The following VANGL2 variants were observed in gnomAD, a reference collection of about 807,000 sequenced individuals.
VANGL2 encodes the protein vang-like protein 2.
Under a neutral mutation model 50.2 loss-of-function variants are expected in VANGL2, and 14 were observed. The observed-to-expected ratio is 0.28, with a 90% CI of 0.18 to 0.44. VANGL2 has a LOEUF of 0.44. Among genes scored for constraint, VANGL2 ranks in the 20% least tolerant of loss-of-function variants. The pLI is 1.00. For synonymous variants in VANGL2, 295 were observed against 297.2 expected (o/e 0.99, Z 0.08); for missense variants, 533 against 701.5 (o/e 0.76, Z 2.71).
At chr1:160,410,729 T>C (rs1266947945) in intron 1 of VANGL2, among the ~76,000 whole-genome samples, 1 of 151,474 alleles carries the variant, frequency 6.6e-6, no homozygotes, top group East Asian at 1.9e-4. Flanking sequence ...TCTAGGGCCC[T>C]GCTCCCTCTG....
chr1:160,408,391 G>A (rs1223644222), intron 1 of VANGL2, among the ~76,000 whole-genome samples: 1 of 152,200 alleles, frequency 6.6e-6, no homozygotes, highest in Non-Finnish European at 1.5e-5. Context: ...TAGGTGGAGA[G>A]GGGCTTGGCT....
intron 1 of VANGL2, among the ~76,000 whole-genome samples, chr1:160,412,704 G>T (rs528851416): frequency 1.8e-4 from 28 of 152,238 alleles, no homozygotes; most frequent in African/African-American, 6.3e-4. Context: ...TCCTATGGAG[G>T]ATTGCCTCCA....
At chr1:160,420,728 G>A (rs1651240795) in intron 5 of VANGL2, among the ~76,000 whole-genome samples, 181 bp downstream of exon 5, 1 of 152,134 alleles carries the variant, frequency 6.6e-6, no homozygotes, top group African/African-American at 2.4e-5. Context: ...CCTACTTGCT[G>A]TCCCTTTATG....
At chr1:160,415,956 G>T (rs368821777) in intron 2 of VANGL2, 48 bp downstream of exon 2, 1 of 1,614,146 alleles carries the variant, frequency 6.2e-7, no homozygotes, top group Non-Finnish European at 8.5e-7. Flanking sequence ...AGGGTTGGGG[G>T]CTGTTAAGAG....
In VANGL2 at chr1:160,419,692, T is replaced by C. The variant is rs1651199737; in HGVS notation, c.800+83T>C. ...TGACTGCTAGGGTGGGAGGGTATGA[T>C]GGTGGGCTGGAGGTGATGGGCTTGG... On this transcript the variant is annotated intron_variant, in intron 4 of 7. Transcript: ENST00000368061. The surrounding 1 kb of genome is among the most constrained non-coding windows in gnomAD (Gnocchi z 5.8). 6.5e-7 allele frequency: 1 copy of C among 1,539,754 alleles called. No homozygotes were observed. The highest frequency in any genetic ancestry group is 8.7e-7 in the Non-Finnish European group (1 of 1,150,992).
intron 1 of VANGL2, among the ~76,000 whole-genome samples, chr1:160,401,681 T>C (rs1259287907): frequency 6.6e-6 from 1 of 152,086 alleles, no homozygotes; most frequent in Non-Finnish European, 1.5e-5. Flanking sequence ...ACCATGCATC[T>C]GCTGTGTGTT....
intron 1 of VANGL2, among the ~76,000 whole-genome samples, chr1:160,408,175 T>G (rs1650749793): frequency 6.8e-6 from 1 of 146,324 alleles, no homozygotes; most frequent in Admixed American, 6.8e-5. Flanking sequence ...GGGGTGGGGG[T>G]GCCAGAGAGA....
chr1:160,416,013 C>T (rs772646635), intron 2 of VANGL2, 49 bp from the exon 3 acceptor site: 3 of 1,614,126 alleles, frequency 1.9e-6, no homozygotes, highest in South Asian at 1.1e-5. Context: ...CTGAGAAGAC[C>T]CTGGTCCACC....
At chr1:160,421,903 A>G (rs889797561) in intron 6 of VANGL2, among the ~76,000 whole-genome samples, 10 of 152,204 alleles carry the variant, frequency 6.6e-5, no homozygotes, top group African/African-American at 2.2e-4. Flanking sequence ...GTTGCCTTCA[A>G]AAAATGACGT....
At chr1:160,405,566 A>C (rs1240184237) in intron 1 of VANGL2, among the ~76,000 whole-genome samples, 1 of 150,854 alleles carries the variant, frequency 6.6e-6, no homozygotes, top group Non-Finnish European at 1.5e-5. Context: ...AACTGGTTTG[A>C]GAGAAGCAGG....
chr1:160,403,703 T>G lies in VANGL2; in HGVS notation c.-191+2834T>G, dbSNP rs369086726. Reference sequence around the variant, plus strand: ...TCCTTCCCTCAAGTGTTCATCACATTGTGAGGCCAGAGAAAGGAGTCAGAG... The same window carrying G: ...TCCTTCCCTCAAGTGTTCATCACATGGTGAGGCCAGAGAAAGGAGTCAGAG... On this transcript the variant is annotated intron_variant, in intron 1 of 7. Coordinates refer to ENST00000368061, the MANE Select transcript of VANGL2 (RefSeq NM_020335.3). Among the ~76,000 whole-genome samples the G allele has an allele frequency of 2.3e-3, 355 of 152,330 alleles. 2 individuals are homozygous for G. Among genetic ancestry groups the G allele is most frequent in the African/African-American group, 8.2e-3 (340 of 41,566 alleles).
chr1:160,409,588 C>A (rs76843041), intron 1 of VANGL2, among the ~76,000 whole-genome samples: 37 of 152,338 alleles, frequency 2.4e-4, no homozygotes, highest in Admixed American at 4.6e-4. Flanking sequence ...TTCAGCCCCC[C>A]ACCAGGGCCT....
chr1:160,413,311 C>T (rs1323507402), intron 1 of VANGL2, among the ~76,000 whole-genome samples: 2 of 147,770 alleles, frequency 1.4e-5, no homozygotes, highest in Non-Finnish European at 3.0e-5. Flanking sequence ...GACGGAGTCT[C>T]GTTCTGTCGC....
At chr1:160,411,765 G>A (rs931640852) in intron 1 of VANGL2, among the ~76,000 whole-genome samples, 17 of 152,148 alleles carry the variant, frequency 1.1e-4, no homozygotes, top group African/African-American at 4.1e-4. Flanking sequence ...CAGAACAAAA[G>A]GGGACTGGTA....
Position 160,419,668 on chromosome 1 carries a change from G to C in VANGL2, c.800+59G>C. ...GAAAGGGCATGGGAGGATGTGGAGT[G>C]ACTGCTAGGGTGGGAGGGTATGATG... is the stretch of plus-strand genomic sequence containing the variant. On this transcript the variant is annotated intron_variant, in intron 4 of 7. Transcript: ENST00000368061. The surrounding 1 kb of genome is among the most constrained non-coding windows in gnomAD (Gnocchi z 5.8). 6.3e-7 allele frequency: 1 copy of C among 1,580,226 alleles called. No individual in the cohort carries two copies. Among genetic ancestry groups the C allele is most frequent in the Non-Finnish European group, 8.5e-7 (1 of 1,171,816 alleles).
At position 160,403,289 on chromosome 1, in the gene VANGL2, A is replaced by G. The variant is rs182407426; in HGVS notation, c.-191+2420A>G. Reference sequence around the variant, plus strand: ...CTTGTTTGCTCTGTATACGCTGATCACATGCATGATATATTATGCTGGTGG... The same window carrying G: ...CTTGTTTGCTCTGTATACGCTGATCGCATGCATGATATATTATGCTGGTGG... On this transcript the variant is annotated intron_variant, in intron 1 of 7. Transcript: ENST00000368061. Among the ~76,000 whole-genome samples, 14 of 152,078 alleles carry G rather than the reference A, an allele frequency of 9.2e-5. No homozygotes were observed. In the East Asian group the frequency reaches 2.1e-3, roughly 23 times the overall value.
Position 160,425,496 on chromosome 1 carries a change from T to TTA in VANGL2, c.*118_*119insTA. On this transcript the variant is annotated 3_prime_UTR_variant, in exon 8 of 8. Coordinates refer to ENST00000368061, the MANE Select transcript of VANGL2 (RefSeq NM_020335.3). ...CTTCTTCTTCTTGCTCTTTTTTTTT[T>TTA]ACTTGAATTAACGCACCCCCACCTT... The TTA allele has an allele frequency of 1.9e-6, 2 of 1,037,206 alleles. No individual in the cohort carries two copies. Among genetic ancestry groups the TTA allele is most frequent in the Non-Finnish European group, 1.4e-6 (1 of 732,154 alleles). The allele number at this position is 1,037,206 out of a possible 1,614,324, so 64.3% of individuals were successfully genotyped here.
chr1:160,423,382 CT>C (rs1201060353), intron 6 of VANGL2, among the ~76,000 whole-genome samples: 1 of 152,192 alleles, frequency 6.6e-6, no homozygotes, highest in African/African-American at 2.4e-5. Context: ...TACCTTCTTT[CT>C]TTTTTCCATT....
chr1:160,410,269 CAG>C, intron 1 of VANGL2, among the ~76,000 whole-genome samples: 1 of 152,270 alleles, frequency 6.6e-6, no homozygotes, highest in South Asian at 2.1e-4. Flanking sequence ...GCACCCTTCT[CAG>C]CTGCTTCCAG....
Sources: gnomAD v4.1 joint callset for allele counts (sites outside exome capture counted in the v4.1 genomes callset) on GRCh38, gnomAD v4.1.1 for gene constraint, Gnocchi (gnomAD v3.1) non-coding constraint, MANE v1.5 for transcripts, NCBI Gene and HGNC (gene_info 2026-07-23, HGNC 2026-07-21) for gene names.